TBC1D4: variants seen among roughly 807,000 people sequenced by gnomAD.
TBC1D4 encodes the protein TBC (Tre-2, BUB2, CDC16) domain-containing protein.
TBC1D4 carries 121 observed loss-of-function variants against 142.5 expected under a neutral mutation model. The ratio of observed to expected loss-of-function variants is 0.85; its 90% confidence interval spans 0.73 to 0.99. The LOEUF (loss-of-function observed/expected upper bound fraction) is 0.99. Among genes scored for constraint, TBC1D4 ranks in the 50% least tolerant of loss-of-function variants. TBC1D4 has a pLI of 0.00. For missense variants in TBC1D4, 1,475 were observed against 1,606.6 expected (o/e 0.92, Z 1.40); for synonymous variants, 630 against 628.2 (o/e 1.00, Z -0.04).
intron 1 of TBC1D4, among the ~76,000 whole-genome samples, chr13:75,363,209 G>C (rs1566428483): frequency 6.6e-6 from 1 of 152,136 alleles, no homozygotes; most frequent in African/African-American, 2.4e-5. Flanking sequence ...CAGTTTCTTA[G>C]GAGTTAAATA....
chr13:75,415,703 C>T (rs1035490512), intron 1 of TBC1D4, among the ~76,000 whole-genome samples: 8 of 152,058 alleles, frequency 5.3e-5, no homozygotes, highest in Non-Finnish European at 7.4e-5. Context: ...TTCTTGAAAT[C>T]GGAGACATAA....
intron 1 of TBC1D4, among the ~76,000 whole-genome samples, chr13:75,422,967 A>T (rs1241069299): frequency 6.6e-6 from 1 of 152,206 alleles, no homozygotes; most frequent in Non-Finnish European, 1.5e-5. Context: ...GTTTTTATTC[A>T]AATTAAACTT....
intron 1 of TBC1D4, among the ~76,000 whole-genome samples, chr13:75,432,203 T>C (rs1016408370): frequency 6.6e-6 from 1 of 152,160 alleles, no homozygotes; most frequent in Admixed American, 6.5e-5. Flanking sequence ...GAGAGAATGG[T>C]ATCTAGTGTG....
chr13:75,324,267 C>A lies in TBC1D4; in HGVS notation c.2168G>T (p.Arg723Ile). 1.9e-6 allele frequency: 3 copies of A among 1,613,912 alleles called. No homozygotes were observed. The highest frequency in any genetic ancestry group is 2.5e-6 in the Non-Finnish European group (3 of 1,179,842). Residue 723 changes from arginine to isoleucine, a missense_variant, in exon 11 of 21, where the codon AGA becomes ATA. Around this residue, in one of 2 missense-constraint regions of TBC1D4, gnomAD observed 1,227 missense variants for 1,267.7 expected, o/e 0.97. Coordinates refer to ENST00000377636, the MANE Select transcript of TBC1D4 (RefSeq NM_014832.5). ...FLKSFYQNSG[R>I]LSPQYENEIR... ...TTCATTTTCATACTGTGGGGACAGTCTACCTGAATTCTGGTAAAAGCTTTT... is the reference window on the plus strand; with the variant it reads ...TTCATTTTCATACTGTGGGGACAGTATACCTGAATTCTGGTAAAAGCTTTT...
intron 1 of TBC1D4, among the ~76,000 whole-genome samples, chr13:75,391,436 C>T (rs112450382): frequency 6.6e-6 from 1 of 152,188 alleles, no homozygotes; most frequent in Non-Finnish European, 1.5e-5. Flanking sequence ...ATGACTGCCA[C>T]ATTGCTAAAC....
intron 1 of TBC1D4, among the ~76,000 whole-genome samples, chr13:75,413,623 G>A (rs1344257183): frequency 6.6e-6 from 1 of 152,114 alleles, no homozygotes; most frequent in Non-Finnish European, 1.5e-5. Context: ...ATAAACCTAG[G>A]ACCACACCTG....
At chr13:75,349,061 G>A in intron 5 of TBC1D4, 109 bp downstream of exon 5, 3 of 1,546,018 alleles carry the variant, frequency 1.9e-6, no homozygotes, top group Non-Finnish European at 1.8e-6. Flanking sequence ...GATTCTTTGG[G>A]TTCTTGTTTC....
Position 75,337,039 on chromosome 13 carries a change from G to A in TBC1D4, c.1613C>T (p.Thr538Ile). The A allele has an allele frequency of 6.2e-7, 1 of 1,611,584 alleles. No homozygotes were observed. Among genetic ancestry groups the A allele is most frequent in the Non-Finnish European group, 8.5e-7 (1 of 1,178,680 alleles). The change falls in exon 8 of 21, where the codon ACT becomes ATT. Residue 538 changes from threonine to isoleucine, a missense_variant and splice_region_variant. By Grantham distance (89) the Thr-to-Ile change is moderately conservative. This residue lies in a region of TBC1D4 where 1,227 missense variants were observed against 1,267.7 expected (regional missense o/e 0.97). Transcript: ENST00000377636. ...TTCTGGGATTGTACTATTTGAAATA[G>A]TCTAAAAAAAGAAAAACAGATACAT... ...THVHIGEGPS[T>I]ISNSTIPENA...
intron 1 of TBC1D4, among the ~76,000 whole-genome samples, chr13:75,374,843 T>C (rs751728902): frequency 2.6e-5 from 4 of 152,098 alleles, no homozygotes; most frequent in Non-Finnish European, 5.9e-5. Flanking sequence ...AAATGACGTA[T>C]CAGCTATAAT....
At chr13:75,447,638 T>C (rs371538445) in intron 1 of TBC1D4, among the ~76,000 whole-genome samples, 1 of 152,072 alleles carries the variant, frequency 6.6e-6, no homozygotes, top group African/African-American at 2.4e-5. Flanking sequence ...GTCAGTGACC[T>C]GTTAGGACCT....
In TBC1D4 at chr13:75,481,411, G is replaced by A. The variant is rs774625506; in HGVS notation, c.357C>T (p.Phe119=). The A allele has an allele frequency of 2.5e-6, 4 of 1,613,768 alleles. No individual in the cohort carries two copies. In the African/African-American group the frequency reaches 5.3e-5, roughly 22 times the overall value. The change falls in exon 1 of 21, where the codon TTC becomes TTT. Residue 119 remains phenylalanine (F), a synonymous_variant. Coordinates refer to ENST00000377636, the MANE Select transcript of TBC1D4 (RefSeq NM_014832.5). ...GCGAGATATGCTGCGCCTTGTGCTC[G>A]AAGATGAATACCGCCGGGTTGGGCT... The part of the protein sequence containing the change: ...ATQPNPAVFI[F]EHKAQHISRF...
chr13:75,290,114 T>A (rs1875133932), intron 19 of TBC1D4, among the ~76,000 whole-genome samples: 1 of 152,156 alleles, frequency 6.6e-6, no homozygotes, highest in African/African-American at 2.4e-5. Context: ...TTTATATTTT[T>A]AATTATAAAT....
intron 8 of TBC1D4, among the ~76,000 whole-genome samples, chr13:75,332,920 G>A (rs528283719): frequency 6.6e-6 from 1 of 152,306 alleles, no homozygotes; most frequent in East Asian, 1.9e-4. Flanking sequence ...ATGCTCTATT[G>A]CACAAGCATG....
At position 75,286,717 on chromosome 13, in the gene TBC1D4, G is replaced by C; in HGVS notation, c.*75C>G. 2 of 1,459,248 alleles carry C rather than the reference G, an allele frequency of 1.4e-6. No individual in the cohort carries two copies. The highest frequency in any genetic ancestry group is 1.9e-6 in the Non-Finnish European group (2 of 1,058,530). 90.4% of individuals were successfully genotyped at this position (1,459,248 alleles called of 1,614,324 possible). On this transcript the variant is annotated 3_prime_UTR_variant, in exon 21 of 21. Coordinates refer to ENST00000377636, the MANE Select transcript of TBC1D4 (RefSeq NM_014832.5). ...TCCATCAGCTTCAGGGTCCAGCCTT[G>C]GGCCAGCGACATGCAGGCTCTTCCT...
intron 15 of TBC1D4, among the ~76,000 whole-genome samples, chr13:75,305,670 C>T (rs1310387220): frequency 1.3e-5 from 2 of 152,098 alleles, no homozygotes; most frequent in African/African-American, 4.8e-5. Context: ...TTATTTTACA[C>T]CCACAGTTTA....
chr13:75,467,275 T>C (rs773758928), intron 1 of TBC1D4, among the ~76,000 whole-genome samples: 12 of 152,238 alleles, frequency 7.9e-5, no homozygotes, highest in Admixed American at 3.9e-4. Context: ...ATATTTGCCT[T>C]TTGCCTTAAC....
At chr13:75,446,856 A>C (rs1181968991) in intron 1 of TBC1D4, among the ~76,000 whole-genome samples, 1 of 152,042 alleles carries the variant, frequency 6.6e-6, no homozygotes, top group Non-Finnish European at 1.5e-5. Flanking sequence ...TTTTTAACAA[A>C]CAGGTGAAGT....
At chr13:75,429,393 T>C (rs1886505996) in intron 1 of TBC1D4, among the ~76,000 whole-genome samples, 1 of 152,180 alleles carries the variant, frequency 6.6e-6, no homozygotes, top group Admixed American at 6.5e-5. Context: ...GAAGTCTTAA[T>C]ATGGAACAGA....
At chr13:75,445,166 G>T (rs1208287697) in intron 1 of TBC1D4, among the ~76,000 whole-genome samples, 1 of 152,138 alleles carries the variant, frequency 6.6e-6, no homozygotes, top group Non-Finnish European at 1.5e-5. Flanking sequence ...AGACACCAGA[G>T]AAGATAATCA....
Sources: gnomAD v4.1 joint callset for allele counts (sites outside exome capture counted in the v4.1 genomes callset) on GRCh38, gnomAD v4.1.1 for gene constraint, gnomAD v4.1.1 regional missense constraint, MANE v1.5 for transcripts, NCBI Gene and HGNC (gene_info 2026-07-23, HGNC 2026-07-21) for gene names.